FBXO11: variants seen among roughly 807,000 people sequenced by gnomAD.
FBXO11 encodes F-box protein 11.
A neutral mutation model predicts 117.0 loss-of-function variants in FBXO11; 13 were observed. That is an observed-to-expected ratio of 0.11 (90% CI 0.07 to 0.18). FBXO11 has a LOEUF of 0.18. FBXO11 is among the 10% of genes least tolerant of loss of function. The probability of loss-of-function intolerance (pLI) is 1.00; values close to 1 mark genes in which losing one functional copy is unlikely to be tolerated. For missense variants in FBXO11, 767 were observed against 1,164.4 expected (o/e 0.66, Z 4.97); for synonymous variants, 490 against 380.5 (o/e 1.29, Z -3.35).
intron 17 of FBXO11, among the ~76,000 whole-genome samples, 159 bp from the exon 18 acceptor site, chr2:47,813,536 A>G (rs1670783877): frequency 6.9e-6 from 1 of 144,226 alleles, no homozygotes; most frequent in Admixed American, 7.2e-5. Flanking sequence ...GGTTCAAGTG[A>G]TTCTCCTGCC....
At chr2:47,883,490 C>A in intron 1 of FBXO11, 1 of 412,638 alleles carries the variant, frequency 2.4e-6, no homozygotes. Context: ...TGGGGAAGAC[C>A]ATCACCCTCC....
intron 1 of FBXO11, among the ~76,000 whole-genome samples, chr2:47,875,747 T>C (rs772917744): frequency 6.4e-4 from 98 of 152,312 alleles, no homozygotes; most frequent in African/African-American, 1.9e-3. Flanking sequence ...TTCTAAATAG[T>C]TGGCACTGCT....
intron 1 of FBXO11, among the ~76,000 whole-genome samples, chr2:47,853,167 G>C (rs1250257300): frequency 6.6e-6 from 1 of 151,720 alleles, no homozygotes; most frequent in Non-Finnish European, 1.5e-5. Flanking sequence ...CGCCTCCTGA[G>C]TTCAAGCCAT....
At chr2:47,826,788 CAG>C (rs1671787583) in intron 11 of FBXO11, among the ~76,000 whole-genome samples, 1 of 152,100 alleles carries the variant, frequency 6.6e-6, no homozygotes, top group Non-Finnish European at 1.5e-5. Flanking sequence ...TTTTTTGACA[CAG>C]AGTCTCACTC....
chr2:47,896,685 A>T (rs1677695140), intron 1 of FBXO11, among the ~76,000 whole-genome samples: 1 of 152,170 alleles, frequency 6.6e-6, no homozygotes, highest in African/African-American at 2.4e-5. Flanking sequence ...CCAAAATTTG[A>T]CAAGTTATCA....
chr2:47,898,160 T>C (rs2104030831), intron 1 of FBXO11, among the ~76,000 whole-genome samples: 1 of 152,360 alleles, frequency 6.6e-6, no homozygotes, highest in South Asian at 2.1e-4. Flanking sequence ...TGCTATCTTA[T>C]TCGGGGTGTT....
At position 47,901,136 on chromosome 2, in the gene FBXO11, T is replaced by C. The variant is rs562508030; in HGVS notation, c.232+4353A>G. Among the ~76,000 whole-genome samples, 12 of 127,906 alleles carry C rather than the reference T, an allele frequency of 9.4e-5. 1 individual carries two copies. The highest frequency in any genetic ancestry group is 1.9e-4 in the Non-Finnish European group (11 of 57,352). The allele number at this position is 127,906 out of a possible 152,430, so 83.9% of individuals were successfully genotyped here. A position where few individuals can be genotyped will look rare whatever the true frequency, so the allele number is the denominator to read the frequency against. On this transcript the variant is annotated intron_variant, in intron 1 of 22. Transcript: ENST00000403359. ...ATGTACACACGTGTGTACATGTATATATATACACACGTGTGTACATATATA... is the reference window on the plus strand; with the variant it reads ...ATGTACACACGTGTGTACATGTATACATATACACACGTGTGTACATATATA...
chr2:47,904,772 G>C (rs952400666), intron 1 of FBXO11, among the ~76,000 whole-genome samples: 1 of 152,110 alleles, frequency 6.6e-6, no homozygotes, highest in African/African-American at 2.4e-5. Context: ...CACGAGGGAG[G>C]GGGCTGGAAA....
At chr2:47,839,832 G>T in intron 1 of FBXO11, 63 bp from the exon 2 acceptor site, 1 of 1,490,488 alleles carries the variant, frequency 6.7e-7, no homozygotes, top group Non-Finnish European at 9.0e-7. Flanking sequence ...TATGGATACA[G>T]AAAACTTTCT....
intron 11 of FBXO11, among the ~76,000 whole-genome samples, chr2:47,830,557 TA>T (rs1394873159): frequency 6.6e-6 from 1 of 152,008 alleles, no homozygotes; most frequent in African/African-American, 2.4e-5. Flanking sequence ...AAAATAAAAA[TA>T]AAAATGATGG....
chr2:47,901,171 GTA>G (rs368199849), intron 1 of FBXO11, among the ~76,000 whole-genome samples: 3 of 134,942 alleles, frequency 2.2e-5, no homozygotes, highest in East Asian at 4.5e-4. Flanking sequence ...ACATATATAT[GTA>G]TATATATGTG....
At chr2:47,896,538 C>T (rs994807968) in intron 1 of FBXO11, among the ~76,000 whole-genome samples, 2 of 152,148 alleles carry the variant, frequency 1.3e-5, no homozygotes, top group African/African-American at 4.8e-5. Flanking sequence ...CCATGTTGCC[C>T]AGGCAGGTCT....
chr2:47,867,747 T>A (rs1345200916), intron 1 of FBXO11, among the ~76,000 whole-genome samples: 7 of 152,162 alleles, frequency 4.6e-5, no homozygotes, highest in Admixed American at 4.6e-4. Context: ...CTGACACACA[T>A]TATCTGCATA....
At chr2:47,875,190 G>A (rs930606590) in intron 1 of FBXO11, among the ~76,000 whole-genome samples, 1 of 152,102 alleles carries the variant, frequency 6.6e-6, no homozygotes, top group Non-Finnish European at 1.5e-5. Context: ...AAGAGTAATT[G>A]TAAGTTGTAT....
At chr2:47,865,723 T>C (rs1675145108) in intron 1 of FBXO11, 1 of 152,234 alleles carries the variant, frequency 6.6e-6, no homozygotes, top group South Asian at 2.1e-4. Context: ...TTTAAGACAC[T>C]GGTGGAAACA....
chr2:47,809,110 G>T (rs374268491), intron 21 of FBXO11, 48 bp downstream of exon 21: 1 of 1,218,360 alleles, frequency 8.2e-7, no homozygotes, highest in East Asian at 2.4e-5. Flanking sequence ...AATTTAAAAA[G>T]GAAATCAGTC....
chr2:47,820,154 T>G (rs559869448), intron 14 of FBXO11, among the ~76,000 whole-genome samples: 1 of 152,222 alleles, frequency 6.6e-6, no homozygotes, highest in African/African-American at 2.4e-5. Flanking sequence ...CTGAGTAAAT[T>G]TTACATAATT....
intron 1 of FBXO11, among the ~76,000 whole-genome samples, chr2:47,872,311 AAC>A (rs1675681877): frequency 6.6e-6 from 1 of 152,156 alleles, no homozygotes; most frequent in Admixed American, 6.6e-5. Context: ...TTAAAGTCAA[AAC>A]TATTTTCATT....
Position 47,816,728 on chromosome 2 carries a change from C to T in FBXO11, c.2006+2051G>A, listed in dbSNP as rs576543037. On this transcript the variant is annotated intron_variant, in intron 16 of 22. Transcript: ENST00000403359. ...CATCTGCATCAGAATTCTTGGGTTACTGGGTGCATTGTCAATGAGCAGTAA... is the reference window on the plus strand; with the variant it reads ...CATCTGCATCAGAATTCTTGGGTTATTGGGTGCATTGTCAATGAGCAGTAA... Among the ~76,000 whole-genome samples, 16 of 152,314 alleles carry T rather than the reference C, an allele frequency of 1.1e-4. No individual in the cohort carries two copies. The South Asian group carries it at 2.9e-3, about 28-fold the overall frequency.
Sources: allele counts gnomAD v4.1 joint callset (sites outside exome capture counted in the v4.1 genomes callset), GRCh38; gene constraint gnomAD v4.1.1; transcripts MANE v1.5; gene names NCBI Gene and HGNC (gene_info 2026-07-23, HGNC 2026-07-21).